Variants in AKR1C8 observed in about 807,000 individuals in gnomAD.
AKR1C8 encodes aldo-keto reductase family 1 member C8.
the AKR1C8 span, among the ~76,000 whole-genome samples, chr10:5,181,575 T>A: frequency 6.6e-6 from 1 of 152,134 alleles, no homozygotes; most frequent in Non-Finnish European, 1.5e-5. Flanking sequence ...GTGAACAGGA[T>A]CACTTGACAT....
chr10:5,136,875 A>G, the AKR1C8 span, among the ~76,000 whole-genome samples: 1 of 152,188 alleles, frequency 6.6e-6, no homozygotes, highest in Non-Finnish European at 1.5e-5. Context: ...CATTTAGTCA[A>G]AAATTCTGAC....
the AKR1C8 span, among the ~76,000 whole-genome samples, chr10:5,144,823 C>T: frequency 6.6e-6 from 1 of 152,156 alleles, no homozygotes; most frequent in African/African-American, 2.4e-5. Flanking sequence ...CAAACAGGGA[C>T]AATTTGACTT....
At chr10:5,160,153 C>T in the AKR1C8 span, 22,292 of 265,460 alleles carry the variant, frequency 0.084, 2,954 homozygotes, top group Middle Eastern at 0.11. Flanking sequence ...ATACAATTTC[C>T]TAATGCATTA....
the AKR1C8 span, among the ~76,000 whole-genome samples, chr10:5,151,344 C>A: frequency 6.6e-5 from 10 of 152,052 alleles, no homozygotes. Flanking sequence ...AGTCCCCAGG[C>A]AGGAAAGGGT....
At chr10:5,156,334 C>T in the AKR1C8 span, among the ~76,000 whole-genome samples, 1 of 152,306 alleles carries the variant, frequency 6.6e-6, no homozygotes, top group South Asian at 2.1e-4. Flanking sequence ...ATCTTTGAGA[C>T]ACTTAGATCT....
At chr10:5,145,649 C>T in the AKR1C8 span, among the ~76,000 whole-genome samples, 293 of 152,246 alleles carry the variant, frequency 1.9e-3, 2 homozygotes, top group Middle Eastern at 3.4e-3. Flanking sequence ...CACAGTGAGA[C>T]ACCATCTCAC....
At chr10:5,167,307 T>G in the AKR1C8 span, among the ~76,000 whole-genome samples, 1 of 152,176 alleles carries the variant, frequency 6.6e-6, no homozygotes, top group Non-Finnish European at 1.5e-5. Context: ...GGATTATAAA[T>G]CATGCTGCTA....
At chr10:5,135,508 A>T in the AKR1C8 span, among the ~76,000 whole-genome samples, 1 of 151,542 alleles carries the variant, frequency 6.6e-6, no homozygotes, top group African/African-American at 2.4e-5. Context: ...TTCCATCTGG[A>T]ATCTATCTAT....
chr10:5,179,654 A>G, the AKR1C8 span, among the ~76,000 whole-genome samples: 2 of 49,662 alleles, frequency 4.0e-5, no homozygotes, highest in African/African-American at 1.7e-4. Context: ...ATAGTCCCAT[A>G]TTTCTTGGAG....
At chr10:5,116,566 T>C in the AKR1C8 span, among the ~76,000 whole-genome samples, 1 of 152,212 alleles carries the variant, frequency 6.6e-6, no homozygotes, top group Non-Finnish European at 1.5e-5. Context: ...TGCAAAGCAC[T>C]GTCACCAACT....
chr10:5,119,429 A>G, the AKR1C8 span, among the ~76,000 whole-genome samples: 1 of 152,342 alleles, frequency 6.6e-6, no homozygotes, highest in East Asian at 1.9e-4. Context: ...GATTGTAAAA[A>G]TGCACAAAAC....
At chr10:5,143,281 C>A in the AKR1C8 span, among the ~76,000 whole-genome samples, 1 of 152,160 alleles carries the variant, frequency 6.6e-6, no homozygotes, top group African/African-American at 2.4e-5. Context: ...CCGTGGACAT[C>A]AGAACTCCAA....
chr10:5,128,417 G>C, the AKR1C8 span, among the ~76,000 whole-genome samples: 15 of 152,002 alleles, frequency 9.9e-5, no homozygotes, highest in Non-Finnish European at 2.2e-4. Flanking sequence ...ATGATGAAAA[G>C]AACTGTACCT....
At chr10:5,132,453 TTTTA>T in the AKR1C8 span, 17 of 678,466 alleles carry the variant, frequency 2.5e-5, no homozygotes, top group African/African-American at 2.8e-4. Flanking sequence ...ATTTGCCGCC[TTTTA>T]TTTTAGTTTT....
the AKR1C8 span, among the ~76,000 whole-genome samples, chr10:5,151,015 G>A: frequency 2.6e-5 from 4 of 152,260 alleles, no homozygotes; most frequent in African/African-American, 9.6e-5. Context: ...GTGGGTAGGG[G>A]ACCAGTGAGT....
chr10:5,168,259 G>A, the AKR1C8 span, among the ~76,000 whole-genome samples: 1 of 151,958 alleles, frequency 6.6e-6, no homozygotes, highest in Non-Finnish European at 1.5e-5. Context: ...CTTAACAGTT[G>A]TATCAGACAA....
At chr10:5,157,799 C>T in the AKR1C8 span, 1,162 of 470,142 alleles carry the variant, frequency 2.5e-3, 12 homozygotes, top group African/African-American at 0.022. Flanking sequence ...TCGGGATCCA[C>T]CCTGTTGGGG....
the AKR1C8 span, among the ~76,000 whole-genome samples, chr10:5,118,554 C>G: frequency 6.6e-6 from 1 of 152,128 alleles, no homozygotes; most frequent in Non-Finnish European, 1.5e-5. Context: ...AAAATGGATT[C>G]TGGTTCCTAT....
At chr10:5,145,198 A>G in the AKR1C8 span, among the ~76,000 whole-genome samples, 730 of 152,322 alleles carry the variant, frequency 4.8e-3, 14 homozygotes, top group African/African-American at 0.017. Context: ...TATCAATTCA[A>G]GATGGATTAA....
Sources: allele counts gnomAD v4.1 joint callset (sites outside exome capture counted in the v4.1 genomes callset), GRCh38; gene constraint gnomAD v4.1.1; transcripts MANE v1.5; gene names NCBI Gene and HGNC (gene_info 2026-07-23, HGNC 2026-07-21).